The following BFSP2 variants were observed in gnomAD, a reference collection of about 807,000 sequenced individuals.
BFSP2 encodes phakinin.
A neutral mutation model predicts 44.9 loss-of-function variants in BFSP2; 38 were observed. The observed-to-expected ratio is 0.85, with a 90% confidence interval of 0.65 to 1.11. BFSP2 has a LOEUF of 1.11. Among genes scored for constraint, BFSP2 ranks in the 50% least tolerant of loss-of-function variants. The pLI is 0.00. For synonymous variants in BFSP2, 197 were observed against 209.9 expected (o/e 0.94, Z 0.53); for missense variants, 525 against 533.0 (o/e 0.99, Z 0.15).
chr3:133,448,883 G>A, intron 3 of BFSP2: 1 of 537,084 alleles, frequency 1.9e-6, no homozygotes, highest in African/African-American at 1.9e-5. Flanking sequence ...GGGGAAGGCA[G>A]CCAGTCTTGG....
intron 4 of BFSP2, among the ~76,000 whole-genome samples, chr3:133,465,298 C>A (rs2074099771): frequency 6.6e-6 from 1 of 151,992 alleles, no homozygotes; most frequent in Non-Finnish European, 1.5e-5. Context: ...TGAGCCACTG[C>A]ACCCAGCCTT....
Position 133,465,262 on chromosome 3 carries a change from C to T in BFSP2, c.892-1566C>T, listed in dbSNP as rs1431685343. 3.3e-5 allele frequency among the ~76,000 whole-genome samples: 5 copies of T among 152,166 alleles called. No homozygotes were observed. The East Asian group carries it at 7.7e-4, about 23-fold the overall frequency. On this transcript the variant is annotated intron_variant, in intron 4 of 6. Transcript: ENST00000302334. ...CTTCAGGTGATCCACCCACCTCGGC[C>T]TCCCAAAGTGCTGGGATTACAGGCA...
intron 1 of BFSP2, among the ~76,000 whole-genome samples, chr3:133,424,924 A>C (rs2073629865): frequency 6.6e-6 from 1 of 152,232 alleles, no homozygotes; most frequent in African/African-American, 2.4e-5. Flanking sequence ...GTGAGCCACC[A>C]TGCCTGGCCT....
At chr3:133,450,227 G>C in intron 3 of BFSP2, 76 bp from the exon 4 acceptor site, 1 of 1,539,464 alleles carries the variant, frequency 6.5e-7, no homozygotes, top group Non-Finnish European at 9.0e-7. Context: ...CCACAGAGCT[G>C]GTTTTCTGCT....
At chr3:133,455,253 T>C (rs1167812276) in intron 4 of BFSP2, 1 of 152,280 alleles carries the variant, frequency 6.6e-6, no homozygotes, top group Non-Finnish European at 1.5e-5. Flanking sequence ...TAGACTTTTA[T>C]ATGACTGGCA....
At chr3:133,425,466 AT>A (rs1412754896) in intron 1 of BFSP2, among the ~76,000 whole-genome samples, 1 of 152,194 alleles carries the variant, frequency 6.6e-6, no homozygotes, top group Non-Finnish European at 1.5e-5. Context: ...GGTGGTAGAC[AT>A]TCTTCCCAGC....
chr3:133,462,226 C>T (rs9873492), intron 4 of BFSP2, among the ~76,000 whole-genome samples: 47,341 of 148,890 alleles, frequency 0.32, 8,297 homozygotes, highest in Non-Finnish European at 0.4. Flanking sequence ...CTACAGTTTC[C>T]ATTTTAAACA....
At chr3:133,453,923 T>C (rs10935064) in intron 4 of BFSP2, among the ~76,000 whole-genome samples, 84,459 of 152,128 alleles carry the variant, frequency 0.56, 27,035 homozygotes, top group Non-Finnish European at 0.72. Context: ...TTTCCAGCTA[T>C]GGTGTTACGA....
intron 1 of BFSP2, among the ~76,000 whole-genome samples, chr3:133,414,852 C>T (rs898781756): frequency 8.3e-6 from 1 of 120,300 alleles, no homozygotes; most frequent in African/African-American, 3.2e-5. Flanking sequence ...TGCCCTCTTC[C>T]ATCTACTCAC....
At chr3:133,435,164 A>G (rs1033702991) in intron 1 of BFSP2, among the ~76,000 whole-genome samples, 3 of 152,212 alleles carry the variant, frequency 2.0e-5, no homozygotes, top group Admixed American at 2.0e-4. Context: ...AACTCTTGCA[A>G]AATTGCCATT....
rs115913948 is a variant in BFSP2 at position 133,457,304 on chromosome 3, C to T, written c.891+6840C>T. ...GAAGCATCTTCATATCTCTGAATCT[C>T]ACAGAGAGCTTCACAAAAGGGCCCT... On this transcript the variant is annotated intron_variant, in intron 4 of 6. Transcript: ENST00000302334. Among the ~76,000 whole-genome samples the T allele has an allele frequency of 2.9e-3, 442 of 152,340 alleles. 4 individuals carry two copies. Among genetic ancestry groups the T allele is most frequent in the African/African-American group, 0.01 (418 of 41,582 alleles).
At chr3:133,459,588 C>T (rs1317554) in intron 4 of BFSP2, among the ~76,000 whole-genome samples, 136,781 of 152,188 alleles carry the variant, frequency 0.9, 61,570 homozygotes, top group African/African-American at 0.91. Context: ...ACTTGTAGCC[C>T]AGCCGGGCCA....
intron 1 of BFSP2, among the ~76,000 whole-genome samples, chr3:133,437,787 C>T (rs910955752): frequency 2.6e-5 from 4 of 152,010 alleles, no homozygotes; most frequent in African/African-American, 7.2e-5. Context: ...GAGGGAGCAC[C>T]GTGAAAAATA....
At chr3:133,429,083 T>C (rs1218574290) in intron 1 of BFSP2, among the ~76,000 whole-genome samples, 1 of 152,168 alleles carries the variant, frequency 6.6e-6, no homozygotes, top group Admixed American at 6.5e-5. Context: ...ACTCCCCTTG[T>C]ACTCTGTCCT....
At chr3:133,403,325 AC>A (rs1473519427) in intron 1 of BFSP2, among the ~76,000 whole-genome samples, 2 of 150,786 alleles carry the variant, frequency 1.3e-5, no homozygotes, top group African/African-American at 4.9e-5. Flanking sequence ...AGCACTCCTT[AC>A]CCCTCCTGTT....
chr3:133,430,963 A>ACCTTTT (rs2073710366), intron 1 of BFSP2, among the ~76,000 whole-genome samples: 1 of 152,052 alleles, frequency 6.6e-6, no homozygotes, highest in Non-Finnish European at 1.5e-5. Context: ...TTTACTCTTA[A>ACCTTTT]AAAGGTGGCT....
intron 6 of BFSP2, among the ~76,000 whole-genome samples, 182 bp downstream of exon 6, chr3:133,472,747 A>G (rs2074177018): frequency 6.6e-6 from 1 of 152,180 alleles, no homozygotes. Context: ...AATAATATAT[A>G]TAATATATTC....
chr3:133,448,320 A>C (rs2073922416), intron 2 of BFSP2, among the ~76,000 whole-genome samples, 169 bp from the exon 3 acceptor site: 1 of 152,244 alleles, frequency 6.6e-6, no homozygotes, highest in Non-Finnish European at 1.5e-5. Flanking sequence ...TCATTTTAAT[A>C]AATCAATGTG....
At chr3:133,448,182 G>T (rs965517463) in intron 2 of BFSP2, among the ~76,000 whole-genome samples, 1 of 152,232 alleles carries the variant, frequency 6.6e-6, no homozygotes, top group Non-Finnish European at 1.5e-5. Flanking sequence ...TCAGGATAGC[G>T]ATGAAGATGC....
Sources: gnomAD v4.1 joint callset for allele counts (sites outside exome capture counted in the v4.1 genomes callset) on GRCh38, gnomAD v4.1.1 for gene constraint, MANE v1.5 for transcripts, NCBI Gene and HGNC (gene_info 2026-07-23, HGNC 2026-07-21) for gene names.